The following PWP1 variants were observed in gnomAD, a reference collection of about 807,000 sequenced individuals.
PWP1 encodes the protein PWP1 homolog, endonuclein.
A neutral mutation model predicts 69.9 loss-of-function variants in PWP1; 47 were observed. The ratio of observed to expected loss-of-function variants is 0.67; its 90% confidence interval spans 0.53 to 0.86. The LOEUF is 0.86. PWP1 is among the 40% of genes least tolerant of loss of function. The probability of loss-of-function intolerance (pLI) is 0.00; values close to 1 mark genes in which losing one functional copy is unlikely to be tolerated. For synonymous variants in PWP1, 222 were observed against 208.2 expected (o/e 1.07, Z -0.57); for missense variants, 551 against 608.8 (o/e 0.91, Z 1.00).
At chr12:107,707,193 T>C (rs2136286330) in intron 11 of PWP1, among the ~76,000 whole-genome samples, 1 of 152,262 alleles carries the variant, frequency 6.6e-6, no homozygotes, top group African/African-American at 2.4e-5. Flanking sequence ...ATGATTTGGC[T>C]GTTTGTCTAT....
In PWP1 at chr12:107,692,727, A is replaced by G. The variant is rs1027666492; in HGVS notation, c.320-87A>G. On this transcript the variant is annotated intron_variant, in intron 3 of 14. Transcript: ENST00000412830. Reference sequence around the variant, plus strand: ...AGTTAGTTATAAAATAGATGATTGCATCTAAGTCCAAGAATGGATGTCATA... The same window carrying G: ...AGTTAGTTATAAAATAGATGATTGCGTCTAAGTCCAAGAATGGATGTCATA... 1.3e-5 allele frequency: 15 copies of G among 1,116,182 alleles called. No homozygotes were observed. In the African/African-American group the frequency reaches 1.9e-4, roughly 14 times the overall value. 69.1% of individuals were successfully genotyped at this position (1,116,182 alleles called of 1,614,324 possible).
In PWP1 at chr12:107,688,599, C is replaced by A; in HGVS notation, c.132-16C>A. The A allele has an allele frequency of 6.2e-7, 1 of 1,611,176 alleles. No homozygotes were observed. On this transcript the variant is annotated splice_polypyrimidine_tract_variant and intron_variant, in intron 2 of 14. Coordinates refer to ENST00000412830, the MANE Select transcript of PWP1 (RefSeq NM_007062.3). ...GTAGCATTTGGGTGATTCTCTTTTT[C>A]TTTCTGTGCTCATAGAGAAGAAGGT...
At chr12:107,694,109 G>A (rs141375759) in intron 5 of PWP1, among the ~76,000 whole-genome samples, 2 of 152,198 alleles carry the variant, frequency 1.3e-5, no homozygotes, top group East Asian at 3.9e-4. Context: ...TTAATTGAAT[G>A]GCTTGCCTCA....
rs936534332 is a variant in PWP1, at chr12:107,685,823, C to G, written c.-77C>G. The G allele has an allele frequency of 2.7e-6, 4 of 1,492,980 alleles. No homozygotes were observed. The South Asian group carries it at 3.4e-5, about 13-fold the overall frequency. The allele number at this position is 1,492,980 out of a possible 1,614,324, so 92.5% of individuals were successfully genotyped here. A position where few individuals can be genotyped will look rare whatever the true frequency, so the allele number is the denominator to read the frequency against. ...CAGCGGCCCTGTGCAGATCCCTGAG[C>G]GTGTGGCAGCAGTGCGGTCGTGGTC... On this transcript the variant is annotated 5_prime_UTR_variant, in exon 1 of 15. Transcript: ENST00000412830.
intron 3 of PWP1, among the ~76,000 whole-genome samples, chr12:107,691,213 GTGA>G (rs1889473812): frequency 6.6e-6 from 1 of 152,226 alleles, no homozygotes; most frequent in Non-Finnish European, 1.5e-5. Flanking sequence ...CCTGATGTAT[GTGA>G]TGATACAGCC....
chr12:107,699,308 T>C (rs1233974586), intron 7 of PWP1, 65 bp from the exon 8 acceptor site: 1 of 1,208,208 alleles, frequency 8.3e-7, no homozygotes, highest in East Asian at 2.3e-5. Flanking sequence ...TTTTGCAGAT[T>C]AATATATTCA....
chr12:107,704,246 C>T (rs1566081580), intron 10 of PWP1, among the ~76,000 whole-genome samples: 1 of 152,174 alleles, frequency 6.6e-6, no homozygotes, highest in Non-Finnish European at 1.5e-5. Context: ...AAGTGCATCC[C>T]TTGCTTCCCC....
chr12:107,692,641 A>G (rs1889501397), intron 3 of PWP1, 173 bp from the exon 4 acceptor site: 1 of 587,320 alleles, frequency 1.7e-6, no homozygotes, highest in Non-Finnish European at 3.0e-6. Context: ...AAATACAAAA[A>G]TGGCTTTTAA....
rs1889756319 is a variant in PWP1, at chr12:107,703,603, A to G, written c.904-82A>G. On this transcript the variant is annotated intron_variant, in intron 9 of 14. Transcript: ENST00000412830. The stretch of plus-strand genomic sequence containing the variant: ...GGGACGCATTTATAGAAATACTGTC[A>G]AATAGATTCTTACCACATGTTAGGT... 8 of 1,185,444 alleles carry G rather than the reference A, an allele frequency of 6.7e-6. No individual in the cohort carries two copies. In the South Asian group the frequency reaches 8.6e-5, roughly 13 times the overall value. 73.4% of individuals were successfully genotyped at this position (1,185,444 alleles called of 1,614,324 possible).
intron 10 of PWP1, 135 bp from the exon 11 acceptor site, chr12:107,704,501 A>T: frequency 1.6e-6 from 1 of 607,382 alleles, no homozygotes; most frequent in South Asian, 2.6e-5. Context: ...TTTTTTTTCT[A>T]CTTTATTTAG....
rs140205385 is a variant in PWP1 at position 107,697,490 on chromosome 12, A to G, written c.637A>G (p.Met213Val). The G allele has an allele frequency of 1.9e-6, 3 of 1,599,944 alleles. No homozygotes were observed. Among genetic ancestry groups the G allele is most frequent in the East Asian group, 2.2e-5 (1 of 44,746 alleles). ...STGNYIAVGNMTPVIEVWDLD... is the reference protein window; with the variant it reads ...STGNYIAVGNVTPVIEVWDLD... ...AGGAAATTACATTGCTGTAGGAAAC[A>G]TGACCCCTGTTATTGAAGTGTGGGA... Residue 213 changes from methionine to valine, a missense_variant, in exon 7 of 15, where the codon ATG becomes GTG. Physicochemically the swap from Met to Val is conservative, Grantham distance 21 (BLOSUM62 1). Transcript: ENST00000412830.
At chr12:107,702,317 G>C (rs1372774345) in intron 8 of PWP1, among the ~76,000 whole-genome samples, 1 of 151,878 alleles carries the variant, frequency 6.6e-6, no homozygotes, top group African/African-American at 2.4e-5. Context: ...GTCTCACTCT[G>C]TTGCTCAGGC....
chr12:107,686,171 C>G (rs1889360492), intron 1 of PWP1, 200 bp downstream of exon 1: 2 of 616,856 alleles, frequency 3.2e-6, no homozygotes, highest in Non-Finnish European at 5.7e-6. Context: ...AGTCAAGGGC[C>G]GCGCCTTCTC....
intron 5 of PWP1, 70 bp from the exon 6 acceptor site, chr12:107,696,404 T>G (rs1889588678): frequency 6.4e-7 from 1 of 1,573,304 alleles, no homozygotes; most frequent in African/African-American, 1.4e-5. Context: ...AGAATTTGTT[T>G]TTTTGAGCGG....
chr12:107,687,440 C>T (rs12423629), intron 1 of PWP1, among the ~76,000 whole-genome samples: 11,162 of 152,266 alleles, frequency 0.073, 493 homozygotes, highest in African/African-American at 0.12. Flanking sequence ...TTATGTCCCA[C>T]TCCCAAGTAT....
intron 8 of PWP1, among the ~76,000 whole-genome samples, chr12:107,700,416 A>G (rs1038692454): frequency 2.6e-5 from 4 of 152,142 alleles, no homozygotes; most frequent in African/African-American, 9.7e-5. Flanking sequence ...TAAGCATCTC[A>G]TATGAATGGA....
At chr12:107,702,498 T>C (rs942928051) in intron 8 of PWP1, among the ~76,000 whole-genome samples, 6 of 151,968 alleles carry the variant, frequency 3.9e-5, no homozygotes, top group Admixed American at 3.3e-4. Flanking sequence ...AGGCTGGTCT[T>C]GAACTCCTGA....
In PWP1 at chr12:107,685,948, G is replaced by A; in HGVS notation, c.49G>A (p.Val17Met). 7 of 1,613,946 alleles carry A rather than the reference G, an allele frequency of 4.3e-6. No individual in the cohort carries two copies. Among genetic ancestry groups the A allele is most frequent in the Non-Finnish European group, 5.9e-6 (7 of 1,179,976 alleles). ...GTGCGTGGCCTGGGTCCGCTGCGGCGTGGCCAAAGAGACACCAGACAAGGT... is the reference window on the plus strand; with the variant it reads ...GTGCGTGGCCTGGGTCCGCTGCGGCATGGCCAAAGAGACACCAGACAAGGT... ...VTCVAWVRCG[V>M]AKETPDKVEL... Residue 17 changes from valine (V) to methionine (M), a missense_variant, in exon 1 of 15, where the codon GTG becomes ATG. Coordinates refer to ENST00000412830, the MANE Select transcript of PWP1 (RefSeq NM_007062.3).
At chr12:107,686,290 C>G (rs1889363642) in intron 1 of PWP1, among the ~76,000 whole-genome samples, 1 of 152,186 alleles carries the variant, frequency 6.6e-6, no homozygotes, top group African/African-American at 2.4e-5. Flanking sequence ...CCCCAAAAGG[C>G]TTTTTGACAA....
Sources: gnomAD v4.1 joint callset for allele counts (sites outside exome capture counted in the v4.1 genomes callset) on GRCh38, gnomAD v4.1.1 for gene constraint, MANE v1.5 for transcripts, NCBI Gene and HGNC (gene_info 2026-07-23, HGNC 2026-07-21) for gene names.